CLASP1: variants seen among roughly 807,000 people sequenced by gnomAD.
The protein encoded by CLASP1 is CLIP-associating protein 1.
Under a neutral mutation model 192.3 loss-of-function variants are expected in CLASP1, and 38 were observed. The observed-to-expected ratio is 0.20, with a 90% CI of 0.15 to 0.26. CLASP1 has a LOEUF of 0.26. CLASP1 is among the 10% of genes least tolerant of loss of function. The pLI, the probability that CLASP1 is intolerant of heterozygous loss-of-function variation, is 1.00. For missense variants in CLASP1, 1,433 were observed against 1,932.5 expected (o/e 0.74, Z 4.85); for synonymous variants, 691 against 712.8 (o/e 0.97, Z 0.49).
At chr2:121,494,081 A>T (rs1025414214) in intron 8 of CLASP1, among the ~76,000 whole-genome samples, 1 of 152,262 alleles carries the variant, frequency 6.6e-6, no homozygotes, top group African/African-American at 2.4e-5. Flanking sequence ...CATACGATCC[A>T]GCAATCCCAC....
intron 37 of CLASP1, among the ~76,000 whole-genome samples, chr2:121,353,040 G>A (rs970530564): frequency 1.3e-5 from 2 of 152,184 alleles, no homozygotes; most frequent in African/African-American, 4.8e-5. Flanking sequence ...CAAAACACAT[G>A]ATGGCTAAGC....
chr2:121,531,744 T>G (rs1328116470), intron 2 of CLASP1, among the ~76,000 whole-genome samples: 1 of 151,918 alleles, frequency 6.6e-6, no homozygotes, highest in Non-Finnish European at 1.5e-5. Flanking sequence ...GGCGCATGCC[T>G]GTAGTCCCAG....
At chr2:121,497,664 G>T (rs1194851241) in intron 8 of CLASP1, among the ~76,000 whole-genome samples, 6 of 152,158 alleles carry the variant, frequency 3.9e-5, no homozygotes, top group African/African-American at 1.4e-4. Context: ...AGCCAAGAAG[G>T]TGCAGCCCAA....
At chr2:121,478,938 C>A (rs1253083347) in intron 8 of CLASP1, among the ~76,000 whole-genome samples, 1 of 37,352 alleles carries the variant, frequency 2.7e-5, no homozygotes, top group Non-Finnish European at 5.6e-5. Flanking sequence ...CACAACACCC[C>A]CCACACACAC....
chr2:121,573,241 T>C (rs1368758600), intron 2 of CLASP1, among the ~76,000 whole-genome samples: 2 of 152,194 alleles, frequency 1.3e-5, no homozygotes, highest in Non-Finnish European at 2.9e-5. Context: ...ATTACAGGCG[T>C]GAGCCACCGC....
chr2:121,596,381 G>A (rs566207399), intron 2 of CLASP1, among the ~76,000 whole-genome samples: 2 of 152,304 alleles, frequency 1.3e-5, no homozygotes, highest in African/African-American at 4.8e-5. Flanking sequence ...CAGTAGCGAG[G>A]AGACTGCCAG....
At chr2:121,343,007 GC>G (rs1039985467) in intron 39 of CLASP1, among the ~76,000 whole-genome samples, 15 of 152,158 alleles carry the variant, frequency 9.9e-5, no homozygotes, top group African/African-American at 3.6e-4. Flanking sequence ...AAGTGACCCT[GC>G]CAAAGTGCTA....
intron 9 of CLASP1, among the ~76,000 whole-genome samples, chr2:121,469,162 G>A (rs190640790): frequency 3.0e-4 from 46 of 152,212 alleles, no homozygotes; most frequent in Non-Finnish European, 4.0e-4. Context: ...TGAAGAGCCT[G>A]CGGTCCAGGT....
chr2:121,369,685 T>G (rs939161814), intron 34 of CLASP1, among the ~76,000 whole-genome samples: 1 of 152,236 alleles, frequency 6.6e-6, no homozygotes, highest in Non-Finnish European at 1.5e-5. Context: ...GTGCAAGCAC[T>G]TCCCGTGTGG....
chr2:121,399,669 G>A (rs370358043), intron 28 of CLASP1, among the ~76,000 whole-genome samples: 1 of 152,142 alleles, frequency 6.6e-6, no homozygotes, highest in East Asian at 1.9e-4. Flanking sequence ...AAACGCTTTA[G>A]GCACTCAGAC....
Position 121,409,074 on chromosome 2 carries a change from G to A in CLASP1, c.2425-1359C>T, listed in dbSNP as rs1249855617. On this transcript the variant is annotated intron_variant, in intron 24 of 39. Transcript: ENST00000263710. Reference sequence around the variant, plus strand: ...TGTAGGCAGGAAAATATTGAAGGATGGGGAAAAAGCATAGAGAATTATGTC... The same window carrying A: ...TGTAGGCAGGAAAATATTGAAGGATAGGGAAAAAGCATAGAGAATTATGTC... The A allele has an allele frequency of 2.6e-6, 4 of 1,547,970 alleles. No individual in the cohort carries two copies. The South Asian group carries it at 4.8e-5, about 19-fold the overall frequency.
At chr2:121,633,637 T>G (rs568815775) in intron 1 of CLASP1, among the ~76,000 whole-genome samples, 19 of 152,280 alleles carry the variant, frequency 1.2e-4, no homozygotes, top group African/African-American at 4.6e-4. Flanking sequence ...GACATTACTA[T>G]AGCCAAAAGT....
intron 2 of CLASP1, among the ~76,000 whole-genome samples, chr2:121,603,561 G>C (rs1294641272): frequency 6.6e-6 from 1 of 152,208 alleles, no homozygotes; most frequent in African/African-American, 2.4e-5. Flanking sequence ...ATAGGATCCA[G>C]CAATCCCACT....
chr2:121,420,384 G>A (rs187798262), intron 22 of CLASP1, among the ~76,000 whole-genome samples: 1 of 152,140 alleles, frequency 6.6e-6, no homozygotes, highest in Non-Finnish European at 1.5e-5. Flanking sequence ...GTGTGTACTG[G>A]CTCTACCAAT....
At chr2:121,465,768 C>T (rs2089440128) in intron 9 of CLASP1, among the ~76,000 whole-genome samples, 1 of 152,202 alleles carries the variant, frequency 6.6e-6, no homozygotes, top group African/African-American at 2.4e-5. Context: ...TGACTTCAGA[C>T]TATACTACAG....
At chr2:121,449,984 C>G (rs1447334929) in intron 16 of CLASP1, among the ~76,000 whole-genome samples, 1 of 152,010 alleles carries the variant, frequency 6.6e-6, no homozygotes, top group East Asian at 1.9e-4. Flanking sequence ...ATGCACTGCC[C>G]AAGAGAGAAT....
chr2:121,624,344 G>A (rs1024569638), intron 1 of CLASP1, among the ~76,000 whole-genome samples: 3 of 151,846 alleles, frequency 2.0e-5, no homozygotes, highest in African/African-American at 4.8e-5. Context: ...TTTGTTTTTC[G>A]CATGAAGCAT....
At chr2:121,494,940 T>C (rs547523111) in intron 8 of CLASP1, among the ~76,000 whole-genome samples, 2 of 151,974 alleles carry the variant, frequency 1.3e-5, no homozygotes, top group Admixed American at 6.6e-5. Flanking sequence ...AAGAATCACT[T>C]GAACCTGGGA....
chr2:121,504,038 C>G (rs1285968888), intron 7 of CLASP1: 1 of 152,090 alleles, frequency 6.6e-6, no homozygotes, highest in Non-Finnish European at 1.5e-5. Context: ...TGAGACCAGC[C>G]TGGCCAACAT....
Sources: gnomAD v4.1 joint callset for allele counts (sites outside exome capture counted in the v4.1 genomes callset) on GRCh38, gnomAD v4.1.1 for gene constraint, MANE v1.5 for transcripts, NCBI Gene and HGNC (gene_info 2026-07-23, HGNC 2026-07-21) for gene names.